ZNF727: variants seen among roughly 807,000 people sequenced by gnomAD.
ZNF727 encodes the protein putative zinc finger protein 727.
A neutral mutation model predicts 11.5 loss-of-function variants in ZNF727; 11 were observed. That is an observed-to-expected ratio of 0.95 (90% confidence interval 0.60 to 1.58). The LOEUF (loss-of-function observed/expected upper bound fraction) is 1.58, where lower values mean the gene tolerates loss of function less well. Among genes scored for constraint, ZNF727 ranks in the 40% most tolerant of loss-of-function variants. ZNF727 has a pLI of 0.00. For synonymous variants in ZNF727, 171 were observed against 196.1 expected (o/e 0.87, Z 1.07); for missense variants, 533 against 581.7 (o/e 0.92, Z 0.86).
Position 64,078,215 on chromosome 7 carries a change from T to G in ZNF727, c.1166T>G (p.Ile389Ser). ...TCAGACCTGACTAATCATAAGAGAA[T>G]TCACACTGGAGAGAAACCCTACAAA... The part of the protein sequence containing the change: ...WFSDLTNHKR[I>S]HTGEKPYKCE... The change falls in exon 4 of 4, where the codon ATT becomes AGT. Residue 389 changes from isoleucine (I) to serine (S), a missense_variant. This residue lies in a region of ZNF727 where 463 missense variants were observed against 494.5 expected (regional missense o/e 0.94). Transcript: ENST00000456806. 1 of 1,605,832 alleles carries G rather than the reference T, an allele frequency of 6.2e-7. No homozygotes were observed. The highest frequency in any genetic ancestry group is 8.5e-7 in the Non-Finnish European group (1 of 1,175,864).
chr7:64,054,818 C>G (rs191379903), intron 1 of ZNF727, among the ~76,000 whole-genome samples: 2,735 of 152,148 alleles, frequency 0.018, 43 homozygotes, highest in Non-Finnish European at 0.029. Flanking sequence ...AGCCAACTGC[C>G]TTTATTCATC....
At position 64,045,511 on chromosome 7, in the gene ZNF727, T is replaced by C; in HGVS notation, c.-111T>C. 7.0e-7 allele frequency: 1 copy of C among 1,434,158 alleles called. No homozygotes were observed. Among genetic ancestry groups the C allele is most frequent in the Non-Finnish European group, 9.6e-7 (1 of 1,040,198 alleles). 88.8% of individuals were successfully genotyped at this position (1,434,158 alleles called of 1,614,324 possible). ...CAGTACCCGTCTGTACTATTCCATC[T>C]CTTCCGCTCCATTAGCTCCTCGGTG... On this transcript the variant is annotated 5_prime_UTR_variant, in exon 1 of 4. Coordinates refer to ENST00000456806, the MANE Select transcript of ZNF727 (RefSeq NM_001159522.3).
intron 1 of ZNF727, among the ~76,000 whole-genome samples, chr7:64,061,622 T>C (rs1789771815): frequency 6.6e-6 from 1 of 151,884 alleles, no homozygotes; most frequent in African/African-American, 2.4e-5. Context: ...GTTTTTATTT[T>C]TACCCATTTG....
intron 1 of ZNF727, among the ~76,000 whole-genome samples, chr7:64,061,277 G>A (rs1789765891): frequency 6.6e-6 from 1 of 152,104 alleles, no homozygotes; most frequent in Admixed American, 6.6e-5. Context: ...GGTTGCTGAA[G>A]TCTCTAGCTA....
rs1789487280 is a variant in ZNF727 at position 64,045,522 on chromosome 7, A to G, written c.-100A>G. On this transcript the variant is annotated 5_prime_UTR_variant, in exon 1 of 4. Coordinates refer to ENST00000456806, the MANE Select transcript of ZNF727 (RefSeq NM_001159522.3). ...TGTACTATTCCATCTCTTCCGCTCC[A>G]TTAGCTCCTCGGTGACTCCACCATA... The G allele has an allele frequency of 2.2e-5, 33 of 1,487,246 alleles. 1 individual carries two copies. In the South Asian group the frequency reaches 3.7e-4, roughly 17 times the overall value. 92.1% of individuals were successfully genotyped at this position (1,487,246 alleles called of 1,614,324 possible).
Position 64,058,950 on chromosome 7 carries a change from C to CTTTTTTTTTTTTTTTTTTT in ZNF727, c.4-9929_4-9928insTTTTTTTTTTTTTTTTTTT, listed in dbSNP as rs560995822. On this transcript the variant is annotated intron_variant, in intron 1 of 3. Transcript: ENST00000456806. ...CTATTGCTTATGGCTATTGCATTGTCTTTTTTTTTTTTGAGACGGAGTCTC... is the reference window on the plus strand; with the variant it reads ...CTATTGCTTATGGCTATTGCATTGTCTTTTTTTTTTTTTTTTTTTTTTTTTTTTTTTGAGACGGAGTCTC... Among the ~76,000 whole-genome samples, 49 of 145,378 alleles carry CTTTTTTTTTTTTTTTTTTT rather than the reference C, an allele frequency of 3.4e-4. 2 individuals are homozygous for CTTTTTTTTTTTTTTTTTTT. The East Asian group carries it at 4.8e-3, about 14-fold the overall frequency.
At chr7:64,046,287 C>A (rs1445799202) in intron 1 of ZNF727, among the ~76,000 whole-genome samples, 2 of 152,132 alleles carry the variant, frequency 1.3e-5, no homozygotes, top group East Asian at 3.9e-4. Flanking sequence ...CCCCTCGGGC[C>A]TCCTAAAGTG....
chr7:64,077,868 A>G lies in ZNF727; in HGVS notation c.819A>G (p.Lys273=). 6.4e-7 allele frequency: 1 copy of G among 1,572,668 alleles called. No individual in the cohort carries two copies. The highest frequency in any genetic ancestry group is 2.4e-5 in the East Asian group (1 of 42,182). ...KAFRCCSDLT[K]HKRIHTGEKP... The stretch of plus-strand genomic sequence containing the variant: ...TTAGGTGTTGCTCAGACCTTACTAA[A>G]CATAAGAGAATTCATACTGGAGAGA... Residue 273 remains lysine, a synonymous_variant, in exon 4 of 4, where the codon AAA becomes AAG. Transcript: ENST00000456806.
At chr7:64,063,656 C>A (rs1268016577) in intron 1 of ZNF727, among the ~76,000 whole-genome samples, 1 of 152,080 alleles carries the variant, frequency 6.6e-6, no homozygotes, top group African/African-American at 2.4e-5. Context: ...GAACCAAGTT[C>A]TCTTCAGTCA....
intron 1 of ZNF727, among the ~76,000 whole-genome samples, chr7:64,059,479 C>G (rs1370044737): frequency 6.6e-6 from 1 of 152,202 alleles, no homozygotes; most frequent in African/African-American, 2.4e-5. Flanking sequence ...TCACTAGAGC[C>G]TTTGTCTCCT....
intron 1 of ZNF727, among the ~76,000 whole-genome samples, chr7:64,066,566 T>TTC (rs1789872917): frequency 2.0e-5 from 3 of 152,102 alleles, no homozygotes; most frequent in Non-Finnish European, 4.4e-5. Context: ...ATTCCCTAGG[T>TTC]AATAAATGGT....
At chr7:64,060,764 C>G (rs1789757157) in intron 1 of ZNF727, among the ~76,000 whole-genome samples, 1 of 151,342 alleles carries the variant, frequency 6.6e-6, no homozygotes, top group Non-Finnish European at 1.5e-5. Flanking sequence ...TTTTCTAGTT[C>G]TATATGATAC....
At chr7:64,050,443 C>A (rs182439407) in intron 1 of ZNF727, among the ~76,000 whole-genome samples, 1 of 152,104 alleles carries the variant, frequency 6.6e-6, no homozygotes, top group Non-Finnish European at 1.5e-5. Flanking sequence ...AAGCCTGTGG[C>A]GCTTTATCTG....
At chr7:64,052,449 C>T (rs1789615658) in intron 1 of ZNF727, among the ~76,000 whole-genome samples, 1 of 149,892 alleles carries the variant, frequency 6.7e-6, no homozygotes, top group African/African-American at 2.5e-5. Context: ...TGCCTTCCAC[C>T]ATGATTGTGA....
At position 64,081,271 on chromosome 7, in the gene ZNF727, C is replaced by G. The variant is rs1001751799; in HGVS notation, c.*2722C>G. The stretch of plus-strand genomic sequence containing the variant: ...GGTTTTGATGCCTTCTCTGTGCCCC[C>G]CAAGAAGGAATGATTGTTCAGAGTG... On this transcript the variant is annotated 3_prime_UTR_variant, in exon 4 of 4. Coordinates refer to ENST00000456806, the MANE Select transcript of ZNF727 (RefSeq NM_001159522.3). Among the ~76,000 whole-genome samples the G allele has an allele frequency of 6.6e-6, 1 of 152,018 alleles. No individual in the cohort carries two copies. The highest frequency in any genetic ancestry group is 2.4e-5 in the African/African-American group (1 of 41,388).
rs943037389 is a variant in ZNF727, at chr7:64,080,306, T to G, written c.*1757T>G. Among the ~76,000 whole-genome samples, 1 of 152,178 alleles carries G rather than the reference T, an allele frequency of 6.6e-6. No homozygotes were observed. Among genetic ancestry groups the G allele is most frequent in the African/African-American group, 2.4e-5 (1 of 41,452 alleles). On this transcript the variant is annotated 3_prime_UTR_variant, in exon 4 of 4. Coordinates refer to ENST00000456806, the MANE Select transcript of ZNF727 (RefSeq NM_001159522.3). ...CACTCTCTTTAATTATAGATTTGGT[T>G]TATTTACATAATCTGTTATTTCTTG...
At position 64,077,627 on chromosome 7, in the gene ZNF727, T is replaced by C. The variant is rs1360473759; in HGVS notation, c.578T>C (p.Ile193Thr). The change falls in exon 4 of 4, where the codon ATT becomes ACT. Residue 193 changes from isoleucine to threonine, a missense_variant. Ile to Thr is a moderately conservative substitution (Grantham distance 89). Around this residue, in one of 3 missense-constraint regions of ZNF727, gnomAD observed 463 missense variants for 494.5 expected, o/e 0.94. Transcript: ENST00000456806. ...TCAGATTTTACCATACAGAAGAGAA[T>C]TCATACTGCAGATAGAAGTTACAAA... ...RLSDFTIQKR[I>T]HTADRSYKCE... is the part of the protein sequence containing the mutation. 3 of 1,552,260 alleles carry C rather than the reference T, an allele frequency of 1.9e-6. No individual in the cohort carries two copies. The highest frequency in any genetic ancestry group is 2.4e-5 in the East Asian group (1 of 40,928).
In ZNF727 at chr7:64,081,203, A is replaced by G. The variant is rs549598749; in HGVS notation, c.*2654A>G. On this transcript the variant is annotated 3_prime_UTR_variant, in exon 4 of 4. Coordinates refer to ENST00000456806, the MANE Select transcript of ZNF727 (RefSeq NM_001159522.3). ...CCTGCTGGAGACTGTGTGCTATTTC[A>G]CTAAAGGTGGTGTTGGCTTGGGGCA... Among the ~76,000 whole-genome samples the G allele has an allele frequency of 3.3e-5, 5 of 152,048 alleles. No individual in the cohort carries two copies. The highest frequency in any genetic ancestry group is 3.3e-4 in the Admixed American group (5 of 15,260).
Position 64,085,074 on chromosome 7 carries a change from T to A in ZNF727, c.*6525T>A, listed in dbSNP as rs764449934. Among the ~76,000 whole-genome samples, 6 of 152,194 alleles carry A rather than the reference T, an allele frequency of 3.9e-5. No homozygotes were observed. Among genetic ancestry groups the A allele is most frequent in the Admixed American group, 6.5e-5 (1 of 15,278 alleles). ...TGTTGTTCACCATAGGCATAATATA[T>A]CATTTTCTTGTCATCTAATTTCAGA... On this transcript the variant is annotated 3_prime_UTR_variant, in exon 4 of 4. Coordinates refer to ENST00000456806, the MANE Select transcript of ZNF727 (RefSeq NM_001159522.3).
Sources: gnomAD v4.1 joint callset for allele counts (sites outside exome capture counted in the v4.1 genomes callset) on GRCh38, gnomAD v4.1.1 for gene constraint, gnomAD v4.1.1 regional missense constraint, MANE v1.5 for transcripts, NCBI Gene and HGNC (gene_info 2026-07-23, HGNC 2026-07-21) for gene names.